Variants in CFHR5 observed in about 807,000 individuals in gnomAD.
The protein encoded by CFHR5 is complement factor H related 5.
CFHR5 carries 73 observed loss-of-function variants against 62.9 expected under a neutral mutation model. The ratio of observed to expected loss-of-function variants is 1.16; its 90% CI spans 0.96 to 1.41. The LOEUF is 1.41. Ranked by LOEUF, CFHR5 falls within the 40% of genes most tolerant of loss-of-function variation. The pLI, the probability that CFHR5 is intolerant of heterozygous loss-of-function variation, is 0.00. For missense variants in CFHR5, 779 were observed against 679.9 expected (o/e 1.15, Z -1.62); for synonymous variants, 249 against 227.2 (o/e 1.10, Z -0.86).
chr1:196,979,438 G>A (rs1359466166), intron 1 of CFHR5, among the ~76,000 whole-genome samples: 2 of 152,044 alleles, frequency 1.3e-5, no homozygotes, highest in Non-Finnish European at 2.9e-5. Flanking sequence ...GTCACTCCTA[G>A]ACTGCAAACC....
At chr1:197,006,913 T>C (rs975142567) in intron 9 of CFHR5, among the ~76,000 whole-genome samples, 1 of 150,244 alleles carries the variant, frequency 6.7e-6, no homozygotes, top group African/African-American at 2.4e-5. Flanking sequence ...CTCGGCTCAT[T>C]GCAACCTCCG....
intron 1 of CFHR5, 21 bp from the exon 2 acceptor site, chr1:196,982,864 G>A: frequency 6.2e-7 from 1 of 1,600,188 alleles, no homozygotes; most frequent in Non-Finnish European, 8.6e-7. Context: ...TAATTCTTCA[G>A]TTTTGTGTTA....
At position 196,983,086 on chromosome 1, in the gene CFHR5, A is replaced by G; in HGVS notation, c.253+7A>G. 1 of 1,613,736 alleles carries G rather than the reference A, an allele frequency of 6.2e-7. No individual in the cohort carries two copies. Among genetic ancestry groups the G allele is most frequent in the Non-Finnish European group, 8.5e-7 (1 of 1,179,768 alleles). ...CCAACACCGAAGTGTCTCAGTGAGT[A>G]AATGCCCTGTTCATTAAATGGATGT... On this transcript the variant is annotated splice_region_variant and intron_variant, in intron 2 of 9. Coordinates refer to ENST00000256785, the MANE Select transcript of CFHR5 (RefSeq NM_030787.4).
At position 197,009,303 on chromosome 1, in the gene CFHR5, G is replaced by A. The variant is rs1364810357; in HGVS notation, c.*620G>A. 1 of 152,204 alleles carries A rather than the reference G, an allele frequency of 6.6e-6. No individual in the cohort carries two copies. Among genetic ancestry groups the A allele is most frequent in the African/African-American group, 2.4e-5 (1 of 41,412 alleles). 9.4% of individuals were successfully genotyped at this position (152,204 alleles called of 1,614,324 possible). A position where few individuals can be genotyped will look rare whatever the true frequency, so the allele number is the denominator to read the frequency against. ...AGTTAAGTTTCCACGTAAACTTTCGGGGACACATTCAAACCACAGGAGAAA... is the reference window on the plus strand; with the variant it reads ...AGTTAAGTTTCCACGTAAACTTTCGAGGACACATTCAAACCACAGGAGAAA... On this transcript the variant is annotated 3_prime_UTR_variant, in exon 10 of 10. Coordinates refer to ENST00000256785, the MANE Select transcript of CFHR5 (RefSeq NM_030787.4).
At chr1:197,008,314 C>T (rs1051085905) in intron 9 of CFHR5, among the ~76,000 whole-genome samples, 173 bp from the exon 10 acceptor site, 1 of 151,590 alleles carries the variant, frequency 6.6e-6, no homozygotes, top group Non-Finnish European at 1.5e-5. Flanking sequence ...GTAGCCCATA[C>T]ACAGTGCTAA....
chr1:196,992,400 TGA>T (rs1653872387), intron 3 of CFHR5, among the ~76,000 whole-genome samples: 1 of 152,100 alleles, frequency 6.6e-6, no homozygotes, highest in South Asian at 2.1e-4. Context: ...TATTTGTGTG[TGA>T]GTGTCCCGAT....
At chr1:197,007,759 T>C (rs1654327597) in intron 9 of CFHR5, among the ~76,000 whole-genome samples, 1 of 147,622 alleles carries the variant, frequency 6.8e-6, no homozygotes, top group Admixed American at 6.8e-5. Context: ...ACATATAATA[T>C]ACATATAATA....
At chr1:196,982,797 A>T in intron 1 of CFHR5, 88 bp from the exon 2 acceptor site, 1 of 1,284,260 alleles carries the variant, frequency 7.8e-7, no homozygotes, top group East Asian at 2.3e-5. Flanking sequence ...GAAAAACAAA[A>T]CTATAAATGA....
chr1:196,983,934 G>T (rs1324743434), intron 2 of CFHR5, 27 bp from the exon 3 acceptor site: 3 of 1,557,424 alleles, frequency 1.9e-6, no homozygotes, highest in Admixed American at 1.7e-5. Flanking sequence ...CTTCCATCTT[G>T]TACATTAATC....
chr1:196,994,745 A>G (rs1191115957), intron 4 of CFHR5, among the ~76,000 whole-genome samples: 1 of 152,188 alleles, frequency 6.6e-6, no homozygotes, highest in East Asian at 1.9e-4. Flanking sequence ...TGATAAACAC[A>G]TACCCAAGAC....
rs762757619 is a variant in CFHR5 at position 196,998,124 on chromosome 1, A to G, written c.971-4A>G. The G allele has an allele frequency of 3.3e-6, 5 of 1,499,746 alleles. No homozygotes were observed. In the Admixed American group the frequency reaches 5.9e-5, roughly 18 times the overall value. The allele number at this position is 1,499,746 out of a possible 1,614,324, so 92.9% of individuals were successfully genotyped here. ...TAGTTTCTATTTAATATTATTTTTT[A>G]TAGCAACACACCAACTTAAGAGGTG... On this transcript the variant is annotated splice_polypyrimidine_tract_variant and splice_region_variant and intron_variant, in intron 6 of 9. Coordinates refer to ENST00000256785, the MANE Select transcript of CFHR5 (RefSeq NM_030787.4).
At position 196,994,275 on chromosome 1, in the gene CFHR5, A is replaced by G. The variant is rs919959310; in HGVS notation, c.607+19A>G. The G allele has an allele frequency of 1.9e-5, 30 of 1,590,878 alleles. No individual in the cohort carries two copies. The highest frequency in any genetic ancestry group is 2.6e-5 in the Non-Finnish European group (30 of 1,159,528). ...TGCAAAGGTCAGTATTTATTTTAGA[A>G]GTGATGAAACAAGAATTTGATTTTT... On this transcript the variant is annotated intron_variant, in intron 4 of 9. Coordinates refer to ENST00000256785, the MANE Select transcript of CFHR5 (RefSeq NM_030787.4).
Position 196,982,931 on chromosome 1 carries a change from TGAA to T in CFHR5, c.111_113del (p.Glu37del), listed in dbSNP as rs753711155. 2.4e-5 allele frequency: 39 copies of T among 1,614,008 alleles called. No homozygotes were observed. Among genetic ancestry groups the T allele is most frequent in the Non-Finnish European group, 3.1e-5 (37 of 1,180,022 alleles). On this transcript the variant is annotated inframe_deletion, in exon 2 of 10. Coordinates refer to ENST00000256785, the MANE Select transcript of CFHR5 (RefSeq NM_030787.4). ...AAATACACCATGGATTTCTGTATGA[TGAA>T]GAAGATTATAACCCTTTTTCCCAAG...
rs1292458695 is a variant in CFHR5 at position 196,995,771 on chromosome 1, A to C, written c.662A>C (p.Glu221Ala). The change falls in exon 5 of 10, where the codon GAG becomes GCG. Residue 221 changes from glutamate (E) to alanine (A), a missense_variant. Coordinates refer to ENST00000256785, the MANE Select transcript of CFHR5 (RefSeq NM_030787.4). ...PPQLSNGEVKEIRKEEYGHNE... is the reference protein window; with the variant it reads ...PPQLSNGEVKAIRKEEYGHNE... ...CAACTCTCCAATGGTGAAGTTAAGG[A>C]GATAAGAAAAGAGGAATATGGACAC... 6.2e-7 allele frequency: 1 copy of C among 1,613,354 alleles called. No homozygotes were observed. The highest frequency in any genetic ancestry group is 1.7e-5 in the Admixed American group (1 of 59,976).
intron 7 of CFHR5, among the ~76,000 whole-genome samples, chr1:196,998,590 A>T (rs1654055004): frequency 6.6e-6 from 1 of 152,044 alleles, no homozygotes; most frequent in South Asian, 2.1e-4. Flanking sequence ...AACAAAACTT[A>T]ATCTTCAATG....
Position 196,977,560 on chromosome 1 carries a change from C to A in CFHR5, c.-105C>A. 2.2e-6 allele frequency: 2 copies of A among 924,354 alleles called. No individual in the cohort carries two copies. Among genetic ancestry groups the A allele is most frequent in the Non-Finnish European group, 3.6e-6 (2 of 552,538 alleles). The allele number at this position is 924,354 out of a possible 1,614,324, so 57.3% of individuals were successfully genotyped here. On this transcript the variant is annotated 5_prime_UTR_variant, in exon 1 of 10. Transcript: ENST00000256785. ...TTACTAAACTAGCTTCCCCTTAGTA[C>A]ATTGAAATTCAAAGTCATGCTTGTA...
In CFHR5 at chr1:196,983,991, G is replaced by A. The variant is rs1181330125; in HGVS notation, c.284G>A (p.Gly95Asp). Residue 95 changes from glycine (G) to aspartate (D), a missense_variant, in exon 3 of 10, where the codon GGT (glycine) becomes GAT (aspartate). By Grantham distance (94) the Gly-to-Asp change is moderately conservative (BLOSUM62 -1). Transcript: ENST00000256785. The stretch of plus-strand genomic sequence containing the variant: ...TGTTCCTTTCCTTTTGTGAAAAATG[G>A]TCATTCTGAATCTTCAGGACTAATA... Reference protein sequence around the residue: ...RMCSFPFVKNGHSESSGLIHL... With the variant: ...RMCSFPFVKNDHSESSGLIHL... 5.0e-6 allele frequency: 8 copies of A among 1,611,088 alleles called. No homozygotes were observed. Among genetic ancestry groups the A allele is most frequent in the Non-Finnish European group, 5.1e-6 (6 of 1,178,214 alleles).
chr1:196,998,146 G>C lies in CFHR5; in HGVS notation c.989G>C (p.Arg330Thr). Residue 330 changes from arginine to threonine, a missense_variant, in exon 7 of 10, where the codon AGG (arginine) becomes ACG (threonine). Transcript: ENST00000256785. ...PMCVATHQLK[R>T]CKIAGVNIKT... ...TTTATAGCAACACACCAACTTAAGAGGTGCAAAATAGCAGGAGTTAATATA... is the reference window on the plus strand; with the variant it reads ...TTTATAGCAACACACCAACTTAAGACGTGCAAAATAGCAGGAGTTAATATA... The C allele has an allele frequency of 6.4e-7, 1 of 1,554,332 alleles. No homozygotes were observed. Among genetic ancestry groups the C allele is most frequent in the Non-Finnish European group, 8.7e-7 (1 of 1,145,886 alleles).
chr1:197,002,756 A>T, intron 8 of CFHR5, 92 bp downstream of exon 8: 1 of 1,068,206 alleles, frequency 9.4e-7, no homozygotes, highest in South Asian at 1.4e-5. Flanking sequence ...CTTATGACTA[A>T]TCTGTTGCAC....
Sources: allele counts gnomAD v4.1 joint callset (sites outside exome capture counted in the v4.1 genomes callset), GRCh38; gene constraint gnomAD v4.1.1; transcripts MANE v1.5; gene names NCBI Gene and HGNC (gene_info 2026-07-23, HGNC 2026-07-21).